RNF216: variants seen among roughly 807,000 people sequenced by gnomAD.
The protein encoded by RNF216 is E3 ubiquitin-protein ligase RNF216.
Under a neutral mutation model 110.8 loss-of-function variants are expected in RNF216, and 72 were observed. The observed-to-expected ratio is 0.65, with a 90% CI of 0.54 to 0.79. The LOEUF (loss-of-function observed/expected upper bound fraction) is 0.79. Ranked by LOEUF, RNF216 falls within the 30% of genes least tolerant of loss-of-function variation. The probability of loss-of-function intolerance (pLI) is 0.00; values close to 1 mark genes in which losing one functional copy is unlikely to be tolerated. For synonymous variants in RNF216, 495 were observed against 407.5 expected (o/e 1.21, Z -2.59); for missense variants, 1,342 against 1,141.2 (o/e 1.18, Z -2.54).
chr7:5,729,400 T>A (rs752815293), intron 7 of RNF216, 32 bp downstream of exon 7: 6 of 1,608,386 alleles, frequency 3.7e-6, no homozygotes, highest in Non-Finnish European at 5.1e-6. Flanking sequence ...AGTCAAGAGG[T>A]GTGACCCCAA....
intron 12 of RNF216, 107 bp downstream of exon 12, chr7:5,712,607 CA>C: frequency 8.8e-7 from 1 of 1,138,374 alleles, no homozygotes; most frequent in East Asian, 2.5e-5. Context: ...CAAGAAATGT[CA>C]AAAAACCTGG....
chr7:5,722,694 A>C (rs1289552168), intron 8 of RNF216, among the ~76,000 whole-genome samples: 48 of 151,430 alleles, frequency 3.2e-4, no homozygotes, highest in Admixed American at 4.6e-4. Context: ...CCAGCCTCTC[A>C]TGTTTTTTTA....
intron 13 of RNF216, among the ~76,000 whole-genome samples, chr7:5,693,257 A>C (rs1238085770): frequency 6.6e-6 from 1 of 152,226 alleles, no homozygotes; most frequent in Admixed American, 6.5e-5. Context: ...AGAGTTAGGT[A>C]GCTGGGATAG....
chr7:5,746,808 G>C (rs114569385), intron 3 of RNF216, among the ~76,000 whole-genome samples: 4,127 of 152,270 alleles, frequency 0.027, 66 homozygotes, highest in African/African-American at 0.034. Context: ...TCAGAATTAT[G>C]ATGACCATGA....
chr7:5,660,949 T>G (rs968596471), intron 13 of RNF216, among the ~76,000 whole-genome samples: 10 of 137,658 alleles, frequency 7.3e-5, no homozygotes, highest in Admixed American at 2.1e-4. Flanking sequence ...TTAGGTTTTT[T>G]TTTTTTTTTT....
At chr7:5,735,299 T>C (rs756608908) in intron 5 of RNF216, among the ~76,000 whole-genome samples, 1 of 152,136 alleles carries the variant, frequency 6.6e-6, no homozygotes, top group Non-Finnish European at 1.5e-5. Flanking sequence ...ACTCAAGATA[T>C]GAGCTTAGAG....
intron 13 of RNF216, among the ~76,000 whole-genome samples, chr7:5,695,450 C>T (rs989273376): frequency 6.6e-6 from 1 of 152,204 alleles, no homozygotes; most frequent in Non-Finnish European, 1.5e-5. Flanking sequence ...GCTGCTGCCT[C>T]GGAGCCCGGA....
At chr7:5,623,269 G>A (rs967633896) in intron 16 of RNF216, 90 bp from the exon 17 acceptor site, 148 of 1,218,882 alleles carry the variant, frequency 1.2e-4, no homozygotes, top group Non-Finnish European at 1.5e-4. Context: ...CTCTGGACAC[G>A]GGAGTGGCTC....
intron 3 of RNF216, among the ~76,000 whole-genome samples, chr7:5,749,701 C>T (rs748715577): frequency 2.6e-5 from 4 of 152,112 alleles, no homozygotes; most frequent in Non-Finnish European, 5.9e-5. Context: ...GCTGTGTGTT[C>T]AAAGATGTAT....
intron 2 of RNF216, among the ~76,000 whole-genome samples, chr7:5,758,607 A>T (rs1795768001): frequency 6.6e-6 from 1 of 152,112 alleles, no homozygotes; most frequent in Admixed American, 6.6e-5. Context: ...AAAGGAGGTT[A>T]TTTTGGACCT....
At chr7:5,660,942 G>GGTTTT (rs1562799885) in intron 13 of RNF216, among the ~76,000 whole-genome samples, 149 of 120,934 alleles carry the variant, frequency 1.2e-3, no homozygotes, top group African/African-American at 6.0e-3. Flanking sequence ...TGAAGCCTTA[G>GGTTTT]GTTTTTTTTT....
chr7:5,738,904 CTGTG>C (rs1794593054), intron 5 of RNF216, among the ~76,000 whole-genome samples: 1 of 152,078 alleles, frequency 6.6e-6, no homozygotes, highest in South Asian at 2.1e-4. Flanking sequence ...AGAAAACAGT[CTGTG>C]TATCACTAAT....
chr7:5,658,409 C>T (rs1220305683), intron 13 of RNF216, among the ~76,000 whole-genome samples: 1 of 152,140 alleles, frequency 6.6e-6, no homozygotes, highest in Non-Finnish European at 1.5e-5. Flanking sequence ...GTAGTCTCAG[C>T]ACTCTGGGAA....
intron 9 of RNF216, among the ~76,000 whole-genome samples, chr7:5,718,735 CAG>C (rs1368264894): frequency 1.3e-5 from 2 of 152,020 alleles, no homozygotes; most frequent in Non-Finnish European, 2.9e-5. Flanking sequence ...TTAGTAGAGA[CAG>C]AGTTTTGCCA....
chr7:5,629,826 CAAAAA>C (rs34172457), intron 15 of RNF216, among the ~76,000 whole-genome samples: 1 of 54,046 alleles, frequency 1.9e-5, no homozygotes, highest in Non-Finnish European at 3.6e-5. Flanking sequence ...GACTCTGTCT[CAAAAA>C]AAAAAAAAAA....
At chr7:5,770,017 C>A (rs1386455538) in intron 1 of RNF216, among the ~76,000 whole-genome samples, 1 of 86,892 alleles carries the variant, frequency 1.2e-5, no homozygotes, top group African/African-American at 5.0e-5. Flanking sequence ...CAGAGTGAGA[C>A]CCATCTCAAA....
At chr7:5,737,964 T>G (rs562958146) in intron 5 of RNF216, among the ~76,000 whole-genome samples, 40 of 151,828 alleles carry the variant, frequency 2.6e-4, no homozygotes, top group African/African-American at 9.2e-4. Context: ...GGAGTACGCC[T>G]GTAATGCCAG....
chr7:5,755,734 C>G (rs1340306330), intron 2 of RNF216, among the ~76,000 whole-genome samples: 3 of 152,126 alleles, frequency 2.0e-5, no homozygotes, highest in Admixed American at 2.0e-4. Flanking sequence ...GTTTAGGCTA[C>G]TGTGGATAGT....
In RNF216 at chr7:5,671,575, C is replaced by T. The variant is rs550653840; in HGVS notation, c.2062-19065G>A. 6.2e-4 allele frequency among the ~76,000 whole-genome samples: 95 copies of T among 152,100 alleles called. 1 individual carries two copies. The highest frequency in any genetic ancestry group is 2.9e-3 in the Admixed American group (45 of 15,274). On this transcript the variant is annotated intron_variant, in intron 13 of 16. Transcript: ENST00000389902. ...ATCCCAGTACTTTGGGAGGCCAAGG[C>T]GGGCGGATCAAGAGGTCAGCAGTTC...
Sources: allele counts gnomAD v4.1 joint callset (sites outside exome capture counted in the v4.1 genomes callset), GRCh38; gene constraint gnomAD v4.1.1; transcripts MANE v1.5; gene names NCBI Gene and HGNC (gene_info 2026-07-23, HGNC 2026-07-21).